Variants in DLG2 observed in about 807,000 individuals in gnomAD.
DLG2 encodes the protein disks large homolog 2.
A neutral mutation model predicts 132.5 loss-of-function variants in DLG2; 45 were observed. The ratio of observed to expected loss-of-function variants is 0.34; its 90% CI spans 0.27 to 0.44. The LOEUF is 0.44. Ranked by LOEUF, DLG2 falls within the 20% of genes least tolerant of loss-of-function variation. DLG2 has a pLI of 1.00. For missense variants in DLG2, 1,045 were observed against 1,196.9 expected (o/e 0.87, Z 1.87); for synonymous variants, 424 against 419.6 (o/e 1.01, Z -0.13).
chr11:84,245,376 T>C (rs1382147685), intron 8 of DLG2, among the ~76,000 whole-genome samples: 1 of 152,216 alleles, frequency 6.6e-6, no homozygotes, highest in African/African-American at 2.4e-5. Context: ...TGTCCACAAA[T>C]AACTTTTACA....
intron 6 of DLG2, among the ~76,000 whole-genome samples, chr11:84,996,403 C>T (rs2057657537): frequency 6.6e-6 from 1 of 152,006 alleles, no homozygotes; most frequent in Non-Finnish European, 1.5e-5. Flanking sequence ...ATCTTAATCT[C>T]TCGTAGTATA....
At chr11:84,519,672 A>G (rs370849698) in intron 7 of DLG2, among the ~76,000 whole-genome samples, 1 of 152,146 alleles carries the variant, frequency 6.6e-6, no homozygotes. Flanking sequence ...ATAGATTGGG[A>G]GGCCTCCTCC....
At chr11:84,138,971 T>C (rs976473644) in intron 9 of DLG2, among the ~76,000 whole-genome samples, 2 of 144,264 alleles carry the variant, frequency 1.4e-5, no homozygotes, top group African/African-American at 5.2e-5. Flanking sequence ...AAAAAAAAAA[T>C]TCACTTTAAC....
At chr11:84,007,348 T>C (rs2094620166) in intron 11 of DLG2, among the ~76,000 whole-genome samples, 1 of 151,718 alleles carries the variant, frequency 6.6e-6, no homozygotes. Flanking sequence ...TGACAAGTGT[T>C]AATATTTTCA....
intron 18 of DLG2, among the ~76,000 whole-genome samples, chr11:83,699,397 G>A (rs970697204): frequency 6.6e-6 from 1 of 151,996 alleles, no homozygotes; most frequent in African/African-American, 2.4e-5. Context: ...ACATCATTAA[G>A]TAAAAAATAA....
chr11:85,347,179 T>C (rs1004268666), intron 3 of DLG2, among the ~76,000 whole-genome samples: 2 of 152,098 alleles, frequency 1.3e-5, no homozygotes, highest in Non-Finnish European at 2.9e-5. Context: ...AATTATGACA[T>C]TTGGGCATGC....
At chr11:83,702,689 G>A (rs2083172679) in intron 18 of DLG2, among the ~76,000 whole-genome samples, 1 of 152,198 alleles carries the variant, frequency 6.6e-6, no homozygotes, top group African/African-American at 2.4e-5. Context: ...TGAGGTTGAA[G>A]ACACTGATCT....
chr11:84,985,711 A>C (rs2056384159), intron 6 of DLG2, among the ~76,000 whole-genome samples: 1 of 152,106 alleles, frequency 6.6e-6, no homozygotes, highest in South Asian at 2.1e-4. Flanking sequence ...AAAGATAAAT[A>C]GGCCCATCAA....
At chr11:84,168,993 C>T (rs898541158) in intron 8 of DLG2, among the ~76,000 whole-genome samples, 6 of 152,068 alleles carry the variant, frequency 3.9e-5, no homozygotes, top group Non-Finnish European at 8.8e-5. Flanking sequence ...GTGTGATACT[C>T]GGTAGGCAAA....
At chr11:85,610,992 GA>G (rs2080958907) in intron 2 of DLG2, among the ~76,000 whole-genome samples, 1 of 152,198 alleles carries the variant, frequency 6.6e-6, no homozygotes, top group African/African-American at 2.4e-5. Flanking sequence ...ACCAGGGTCA[GA>G]AACAGCCTTC....
intron 15 of DLG2, among the ~76,000 whole-genome samples, chr11:83,905,280 A>C (rs1305512457): frequency 2.0e-5 from 3 of 152,120 alleles, no homozygotes; most frequent in Non-Finnish European, 4.4e-5. Flanking sequence ...AAGGGTCATG[A>C]TACATATTAG....
At chr11:85,153,421 A>G (rs999009675) in intron 5 of DLG2, among the ~76,000 whole-genome samples, 1 of 152,088 alleles carries the variant, frequency 6.6e-6, no homozygotes, top group African/African-American at 2.4e-5. Flanking sequence ...CTAACTCTCA[A>G]TTTACTTAGT....
At chr11:84,276,133 C>T (rs2097781347) in intron 7 of DLG2, among the ~76,000 whole-genome samples, 2 of 152,106 alleles carry the variant, frequency 1.3e-5, no homozygotes, top group African/African-American at 4.8e-5. Flanking sequence ...ACCAATATTA[C>T]CTTTAACCAA....
intron 15 of DLG2, among the ~76,000 whole-genome samples, chr11:83,876,990 G>T (rs1014264531): frequency 6.6e-6 from 1 of 152,026 alleles, no homozygotes; most frequent in African/African-American, 2.4e-5. Context: ...AAACAGTGCT[G>T]CAATGAACAT....
chr11:84,803,557 C>A (rs1396380269), intron 6 of DLG2, among the ~76,000 whole-genome samples: 1 of 152,156 alleles, frequency 6.6e-6, no homozygotes, highest in Non-Finnish European at 1.5e-5. Flanking sequence ...ACTCAGGGTT[C>A]TAACATTTTA....
At chr11:85,590,788 C>T (rs2079272271) in intron 3 of DLG2, among the ~76,000 whole-genome samples, 1 of 152,050 alleles carries the variant, frequency 6.6e-6, no homozygotes, top group Admixed American at 6.6e-5. Flanking sequence ...TGCCAGCTAC[C>T]ACATATTAGT....
chr11:83,507,412 T>C (rs12285044), intron 21 of DLG2, among the ~76,000 whole-genome samples: 29,204 of 135,760 alleles, frequency 0.22, 3,115 homozygotes, highest in Middle Eastern at 0.23. Context: ...TATATATATA[T>C]ACACACATAC....
chr11:84,062,515 C>CTG, intron 10 of DLG2, among the ~76,000 whole-genome samples: 1 of 152,284 alleles, frequency 6.6e-6, no homozygotes, highest in East Asian at 1.9e-4. Flanking sequence ...GAAATTTAAA[C>CTG]TTTTAAAGGA....
chr11:85,016,392 C>T (rs1403601120), intron 6 of DLG2, among the ~76,000 whole-genome samples: 2 of 152,120 alleles, frequency 1.3e-5, no homozygotes, highest in Admixed American at 6.6e-5. Context: ...TCACTTTAAT[C>T]TTTTCATTTT....
Sources: allele counts gnomAD v4.1 joint callset (sites outside exome capture counted in the v4.1 genomes callset), GRCh38; gene constraint gnomAD v4.1.1; transcripts MANE v1.5; gene names NCBI Gene and HGNC (gene_info 2026-07-23, HGNC 2026-07-21).